The following TEX11 variants were observed in gnomAD, a reference collection of about 807,000 sequenced individuals.
TEX11 encodes testis-expressed protein 11.
A neutral mutation model predicts 84.4 loss-of-function variants in TEX11; 7 were observed. The observed-to-expected ratio is 0.08, with a 90% CI of 0.05 to 0.16. The LOEUF (loss-of-function observed/expected upper bound fraction) is 0.16. Ranked by LOEUF, TEX11 falls within the 10% of genes least tolerant of loss-of-function variation. The probability of loss-of-function intolerance (pLI) is 1.00; values close to 1 mark genes in which losing one functional copy is unlikely to be tolerated. For synonymous variants in TEX11, 264 were observed against 222.8 expected, an observed-to-expected ratio of 1.18 and a Z score of -1.64; for missense variants, 551 against 660.5, an observed-to-expected ratio of 0.83 and a Z score of 1.82.
intron 2 of TEX11, among the ~76,000 whole-genome samples, chrX:70,891,355 T>A (rs765629996): frequency 1.8e-5 from 2 of 111,158 alleles, no homozygotes; most frequent in African/African-American, 6.5e-5. Context: ...TCACCAACAA[T>A]GGAACAAAGC....
intron 20 of TEX11, among the ~76,000 whole-genome samples, chrX:70,621,650 G>A (rs1002414524): frequency 3.0e-4 from 27 of 91,174 alleles, no homozygotes; most frequent in African/African-American, 1.0e-3. Flanking sequence ...GAATGAATAC[G>A]AAAGTATTGG....
chrX:70,750,713 T>C (rs1341735592), intron 9 of TEX11, among the ~76,000 whole-genome samples: 5 of 98,198 alleles, frequency 5.1e-5, no homozygotes, highest in African/African-American at 1.5e-4. Context: ...TAGGTGGGAA[T>C]TGAACAATGA....
chrX:70,544,880 A>C (rs2088099494), intron 28 of TEX11, among the ~76,000 whole-genome samples: 4 of 106,593 alleles, frequency 3.8e-5, no homozygotes, highest in Admixed American at 2.0e-4. Context: ...AAACAAAAAA[A>C]CCCAAAAAAA....
intron 2 of TEX11, among the ~76,000 whole-genome samples, chrX:70,904,503 T>C (rs2091819478): frequency 8.9e-6 from 1 of 112,312 alleles, no homozygotes; most frequent in African/African-American, 3.2e-5. Context: ...GTCTTCAAAA[T>C]TGTAAAATTT....
rs950145608 is a variant in TEX11 at position 70,785,185 on chromosome X, C to T, written c.692+21520G>A. On this transcript the variant is annotated intron_variant, in intron 9 of 29. Transcript: ENST00000374333. ...AGAAATAATACCACACATGTACAAC[C>T]ATCTGATCTTTGACAAACCTGACAA... Among the ~76,000 whole-genome samples, 40 of 111,681 alleles carry T rather than the reference C, an allele frequency of 3.6e-4. 1 individual carries two copies. Among genetic ancestry groups the T allele is most frequent in the Non-Finnish European group, 6.8e-4 (36 of 53,174 alleles).
intron 2 of TEX11, among the ~76,000 whole-genome samples, chrX:70,884,948 C>G (rs2091700441): frequency 9.0e-6 from 1 of 111,147 alleles, no homozygotes; most frequent in African/African-American, 3.3e-5. Context: ...TTCTCCAGGG[C>G]TGCCAAAAGA....
chrX:70,811,578 C>G (rs2091254731), intron 8 of TEX11, among the ~76,000 whole-genome samples: 1 of 111,306 alleles, frequency 9.0e-6, no homozygotes, highest in African/African-American at 3.3e-5. Flanking sequence ...ATTTCTAGTT[C>G]AAGATCCCTG....
intron 2 of TEX11, among the ~76,000 whole-genome samples, chrX:70,885,544 T>A (rs958060437): frequency 9.0e-6 from 1 of 110,807 alleles, no homozygotes; most frequent in African/African-American, 3.3e-5. Context: ...AAACTAAAAT[T>A]TAAAATTACA....
chrX:70,773,282 G>A (rs778004276), intron 9 of TEX11, among the ~76,000 whole-genome samples: 2 of 110,321 alleles, frequency 1.8e-5, no homozygotes, highest in East Asian at 2.8e-4. Flanking sequence ...TAAGAGAAAA[G>A]TGACTTATAT....
intron 2 of TEX11, among the ~76,000 whole-genome samples, chrX:70,899,145 A>G (rs2091789338): frequency 8.9e-6 from 1 of 111,988 alleles, no homozygotes; most frequent in Admixed American, 9.5e-5. Flanking sequence ...TTGAGATTCA[A>G]TGAAAGCCAA....
intron 11 of TEX11, among the ~76,000 whole-genome samples, chrX:70,726,040 G>T (rs1172567532): frequency 8.9e-6 from 1 of 112,268 alleles, no homozygotes; most frequent in Non-Finnish European, 1.9e-5. Context: ...GTAAGCACTG[G>T]TATTAAAAGG....
chrX:70,819,540 T>A (rs1439284325), intron 8 of TEX11, among the ~76,000 whole-genome samples: 5 of 110,526 alleles, frequency 4.5e-5, no homozygotes, highest in Non-Finnish European at 9.5e-5. Flanking sequence ...AGGAAGCCCA[T>A]CCCTCAACAC....
chrX:70,717,644 T>A (rs752666678), intron 13 of TEX11, among the ~76,000 whole-genome samples: 1 of 112,052 alleles, frequency 8.9e-6, no homozygotes, highest in Non-Finnish European at 1.9e-5. Context: ...TAACAGTTAA[T>A]GTTCTGCATG....
chrX:70,790,862 T>C (rs1275316207), intron 9 of TEX11, among the ~76,000 whole-genome samples: 1 of 112,222 alleles, frequency 8.9e-6, no homozygotes, highest in Non-Finnish European at 1.9e-5. Flanking sequence ...CCAGTCCCAA[T>C]CCTGCATCGT....
At chrX:70,593,446 A>G (rs1333580704) in intron 24 of TEX11, among the ~76,000 whole-genome samples, 1 of 112,160 alleles carries the variant, frequency 8.9e-6, no homozygotes, top group African/African-American at 3.2e-5. Flanking sequence ...ATATTATCTA[A>G]AACGTCCAGT....
intron 4 of TEX11, among the ~76,000 whole-genome samples, chrX:70,871,361 G>C (rs1297001078): frequency 4.5e-5 from 5 of 111,984 alleles, no homozygotes; most frequent in Non-Finnish European, 9.4e-5. Context: ...ATAAGCTCTA[G>C]TCTCACATCT....
intron 8 of TEX11, among the ~76,000 whole-genome samples, chrX:70,812,608 G>A (rs1229628961): frequency 9.0e-6 from 1 of 111,004 alleles, no homozygotes; most frequent in Non-Finnish European, 1.9e-5. Context: ...ATAGGGAACC[G>A]AAGGAGATAG....
chrX:70,867,835 G>A (rs1405643208), intron 4 of TEX11, among the ~76,000 whole-genome samples: 1 of 111,609 alleles, frequency 9.0e-6, no homozygotes, highest in Non-Finnish European at 1.9e-5. Context: ...GCAGAAAACA[G>A]AAACTGGATT....
intron 9 of TEX11, among the ~76,000 whole-genome samples, chrX:70,759,329 A>T (rs189239376): frequency 4.5e-4 from 50 of 111,944 alleles, no homozygotes; most frequent in African/African-American, 1.5e-3. Flanking sequence ...ACAGAATTTT[A>T]GACCAATAGC....
Sources: gnomAD v4.1 joint callset for allele counts (sites outside exome capture counted in the v4.1 genomes callset) on GRCh38, gnomAD v4.1.1 for gene constraint, MANE v1.5 for transcripts, NCBI Gene and HGNC (gene_info 2026-07-23, HGNC 2026-07-21) for gene names.